MTREX: variants seen among roughly 807,000 people sequenced by gnomAD.
The protein encoded by MTREX is exosome RNA helicase MTR4.
In MTREX, 76 loss-of-function variants were observed where a neutral mutation model predicts 135.4. That is an observed-to-expected ratio of 0.56 (90% CI 0.47 to 0.68). The LOEUF is 0.68. MTREX is among the 30% of genes least tolerant of loss of function. MTREX has a pLI of 0.00. For synonymous variants in MTREX, 404 were observed against 401.6 expected, an observed-to-expected ratio of 1.01 and a Z score of -0.07; for missense variants, 920 against 1,262.1, an observed-to-expected ratio of 0.73 and a Z score of 4.11.
Position 55,378,489 on chromosome 5 carries a change from A to G in MTREX, c.1983+3A>G, listed in dbSNP as rs1458971694. ...TACAACCAGGTCGTTTGGTAAAGGTATGTCATTGTTTCTTCATAAAATACT... is the reference window on the plus strand; with the variant it reads ...TACAACCAGGTCGTTTGGTAAAGGTGTGTCATTGTTTCTTCATAAAATACT... On this transcript the variant is annotated splice_donor_region_variant and intron_variant, in intron 17 of 26. Coordinates refer to ENST00000230640, the MANE Select transcript of MTREX (RefSeq NM_015360.5). 5 of 1,600,200 alleles carry G rather than the reference A, an allele frequency of 3.1e-6. No homozygotes were observed. Among genetic ancestry groups the G allele is most frequent in the African/African-American group, 1.3e-5 (1 of 74,328 alleles).
intron 13 of MTREX, among the ~76,000 whole-genome samples, chr5:55,352,422 G>A (rs1267648714): frequency 6.6e-6 from 1 of 152,028 alleles, no homozygotes; most frequent in Non-Finnish European, 1.5e-5. Flanking sequence ...TACTTGTTGG[G>A]TGTAAAATTC....
intron 10 of MTREX, among the ~76,000 whole-genome samples, chr5:55,346,107 G>C (rs74435785): frequency 0.19 from 28,310 of 152,098 alleles, 2,713 homozygotes; most frequent in Admixed American, 0.19. Flanking sequence ...TGTTAGGAAT[G>C]CTGTTGTAAA....
chr5:55,317,258 A>G (rs1214207921), intron 1 of MTREX, among the ~76,000 whole-genome samples: 1 of 152,210 alleles, frequency 6.6e-6, no homozygotes, highest in Non-Finnish European at 1.5e-5. Flanking sequence ...CAAACTACCA[A>G]TGACATTCTT....
intron 1 of MTREX, among the ~76,000 whole-genome samples, chr5:55,319,241 C>G (rs1749248780): frequency 6.6e-6 from 1 of 152,166 alleles, no homozygotes; most frequent in Non-Finnish European, 1.5e-5. Flanking sequence ...TGATACAGTA[C>G]TGTTACCTAA....
At chr5:55,378,978 T>C (rs1226307589) in intron 17 of MTREX, 149 bp from the exon 18 acceptor site, 1 of 579,970 alleles carries the variant, frequency 1.7e-6, no homozygotes, top group Non-Finnish European at 3.0e-6. Flanking sequence ...GGTTGATATC[T>C]TGTTTCTTAA....
At chr5:55,386,093 C>T (rs1750474438) in intron 18 of MTREX, among the ~76,000 whole-genome samples, 1 of 152,130 alleles carries the variant, frequency 6.6e-6, no homozygotes. Context: ...GCCAATAGAG[C>T]TTGCCAGAGG....
Position 55,425,426 on chromosome 5 carries a change from C to T in MTREX, c.*654C>T, listed in dbSNP as rs1751155973. Reference sequence around the variant, plus strand: ...AACAGCATCCTAAGATAAATATAAACAAAAGGATATACTTTGAGGTGTACA... The same window carrying T: ...AACAGCATCCTAAGATAAATATAAATAAAAGGATATACTTTGAGGTGTACA... On this transcript the variant is annotated 3_prime_UTR_variant, in exon 27 of 27. Coordinates refer to ENST00000230640, the MANE Select transcript of MTREX (RefSeq NM_015360.5). The T allele has an allele frequency of 5.8e-6, 7 of 1,204,984 alleles. No individual in the cohort carries two copies. The highest frequency in any genetic ancestry group is 1.5e-5 in the African/African-American group (1 of 64,916). The allele number at this position is 1,204,984 out of a possible 1,614,324, so 74.6% of individuals were successfully genotyped here.
intron 18 of MTREX, among the ~76,000 whole-genome samples, chr5:55,385,944 A>G (rs1342796386): frequency 6.6e-6 from 1 of 152,178 alleles, no homozygotes; most frequent in Non-Finnish European, 1.5e-5. Flanking sequence ...AGAGAGGAAC[A>G]CATTCATTTT....
intron 16 of MTREX, among the ~76,000 whole-genome samples, chr5:55,377,539 G>A (rs1561202307): frequency 6.6e-6 from 1 of 152,098 alleles, no homozygotes; most frequent in Non-Finnish European, 1.5e-5. Flanking sequence ...AAACCTGCAT[G>A]GCCTCACCCT....
rs754863383 is a variant in MTREX at position 55,349,643 on chromosome 5, A to T, written c.1311A>T (p.Lys437Asn). ...ATTGCTTATCCGATGAAGATAAAAAACTCCCTCAGGTGAGTTTTCAGTATC... is the reference window on the plus strand; with the variant it reads ...ATTGCTTATCCGATGAAGATAAAAATCTCCCTCAGGTGAGTTTTCAGTATC... Reference protein sequence around the residue: ...AIDCLSDEDKKLPQVEHVLPL... With the variant: ...AIDCLSDEDKNLPQVEHVLPL... The change falls in exon 12 of 27, where the codon AAA becomes AAT. Residue 437 changes from lysine (K) to asparagine (N), a missense_variant. Physicochemically the swap from Lys to Asn is moderately conservative, Grantham distance 94. Around this residue, in one of 6 missense-constraint regions of MTREX, gnomAD observed 101 missense variants for 119.1 expected, o/e 0.85. Transcript: ENST00000230640. 1 of 1,579,934 alleles carries T rather than the reference A, an allele frequency of 6.3e-7. No homozygotes were observed. The highest frequency in any genetic ancestry group is 1.1e-5 in the South Asian group (1 of 90,084).
chr5:55,422,955 ACT>A lies in MTREX; in HGVS notation c.3050_3051del (p.Thr1017ArgfsTer5). The stretch of plus-strand genomic sequence containing the variant: ...TCAAGCAGCAAAAGCCATTGGAAAC[ACT>A]GAGCTGGAAAATAAATTTGCAGAAG... The part of the protein sequence containing the change: ...MCQAAKAIGN[T>X]ELENKFAEGI... On this transcript the variant is annotated frameshift_variant, in exon 26 of 27. Transcript: ENST00000230640. LOFTEE classifies it high-confidence loss of function. 6.2e-7 allele frequency: 1 copy of A among 1,614,050 alleles called. No homozygotes were observed. Among genetic ancestry groups the A allele is most frequent in the African/African-American group, 1.3e-5 (1 of 75,066 alleles).
At chr5:55,410,462 A>T (rs963251666) in intron 22 of MTREX, 62 bp from the exon 23 acceptor site, 110 of 877,998 alleles carry the variant, frequency 1.3e-4, no homozygotes, top group Non-Finnish European at 1.9e-4. Flanking sequence ...CGTTAAGGGC[A>T]TATGTGTGTG....
intron 18 of MTREX, among the ~76,000 whole-genome samples, chr5:55,383,068 C>G (rs1750421797): frequency 6.6e-6 from 1 of 152,184 alleles, no homozygotes; most frequent in Non-Finnish European, 1.5e-5. Context: ...CCTGGAGTTA[C>G]TGCCTTAACC....
At chr5:55,331,313 A>C (rs867067264) in intron 5 of MTREX, among the ~76,000 whole-genome samples, 11 of 152,146 alleles carry the variant, frequency 7.2e-5, no homozygotes, top group African/African-American at 2.4e-4. Flanking sequence ...TTTTGTACAT[A>C]TTTGTGAGAT....
In MTREX at chr5:55,350,927, T is replaced by C. The variant is rs370818414; in HGVS notation, c.1329T>C (p.His443=). 1.9e-6 allele frequency: 3 copies of C among 1,597,900 alleles called. No homozygotes were observed. The highest frequency in any genetic ancestry group is 2.6e-6 in the Non-Finnish European group (3 of 1,174,844). Residue 443 remains histidine (H), a synonymous_variant, in exon 13 of 27, where the codon CAT becomes CAC. Transcript: ENST00000230640. ...DEDKKLPQVE[H]VLPLLKRGIG... ...TTATTCCAAAATCACAGGTAGAACA[T>C]GTACTTCCTCTTTTGAAGAGGGGAA...
chr5:55,330,854 G>T (rs1749464597), intron 5 of MTREX, among the ~76,000 whole-genome samples: 2 of 151,970 alleles, frequency 1.3e-5, no homozygotes, highest in Admixed American at 6.6e-5. Flanking sequence ...GCCCACTGAA[G>T]CTGTGTTTAT....
chr5:55,411,739 G>A (rs185310353), intron 23 of MTREX, among the ~76,000 whole-genome samples: 1 of 152,154 alleles, frequency 6.6e-6, no homozygotes, highest in Non-Finnish European at 1.5e-5. Flanking sequence ...CATACAAAAG[G>A]AATGCATTAC....
At chr5:55,365,134 G>C (rs186551111) in intron 15 of MTREX, among the ~76,000 whole-genome samples, 37 of 152,204 alleles carry the variant, frequency 2.4e-4, no homozygotes, top group African/African-American at 7.7e-4. Flanking sequence ...CATGGGGTTA[G>C]AAATAAACAT....
At chr5:55,421,307 T>G (rs879474496) in intron 25 of MTREX, among the ~76,000 whole-genome samples, 24 of 152,218 alleles carry the variant, frequency 1.6e-4, no homozygotes, top group Admixed American at 4.6e-4. Flanking sequence ...GGGAGTAGCC[T>G]CTATGTTTCA....
Sources: allele counts gnomAD v4.1 joint callset (sites outside exome capture counted in the v4.1 genomes callset), GRCh38; gene constraint gnomAD v4.1.1; regional missense constraint gnomAD v4.1.1; transcripts MANE v1.5; gene names NCBI Gene and HGNC (gene_info 2026-07-23, HGNC 2026-07-21).